XKR9: variants seen among roughly 807,000 people sequenced by gnomAD.
XKR9 encodes XK related 9.
XKR9 carries 32 observed loss-of-function variants against 32.0 expected under a neutral mutation model. The ratio of observed to expected loss-of-function variants is 1.00; its 90% CI spans 0.76 to 1.34. The LOEUF is 1.34. Among genes scored for constraint, XKR9 ranks in the 40% most tolerant of loss-of-function variants. XKR9 has a pLI of 0.00. For missense variants in XKR9, 546 were observed against 429.7 expected (o/e 1.27, Z -2.39); for synonymous variants, 168 against 143.4 (o/e 1.17, Z -1.22).
the XKR9 span, among the ~76,000 whole-genome samples, chr8:70,945,068 T>A: frequency 6.6e-6 from 1 of 152,214 alleles, no homozygotes; most frequent in East Asian, 1.9e-4. Context: ...ATTTTCTTAA[T>A]AAACACTTAA....
chr8:70,669,692 A>C (rs1476622170), intron 1 of XKR9, among the ~76,000 whole-genome samples, 154 bp downstream of exon 1: 1 of 121,590 alleles, frequency 8.2e-6, no homozygotes, highest in African/African-American at 3.1e-5. Context: ...TTTGAGACGA[A>C]GTCTCGGTCT....
the XKR9 span, among the ~76,000 whole-genome samples, chr8:70,918,584 G>A: frequency 1.6e-4 from 24 of 151,920 alleles, no homozygotes; most frequent in East Asian, 2.1e-3. Flanking sequence ...TCTCAGATGT[G>A]GTCATTTGGC....
the XKR9 span, among the ~76,000 whole-genome samples, chr8:71,002,869 C>G: frequency 6.6e-6 from 1 of 152,244 alleles, no homozygotes; most frequent in Non-Finnish European, 1.5e-5. Context: ...CCTCCCTGGA[C>G]AGCAGGAGAT....
chr8:70,874,216 T>C, the XKR9 span, among the ~76,000 whole-genome samples: 15 of 152,312 alleles, frequency 9.8e-5, no homozygotes, highest in Middle Eastern at 3.4e-3. Context: ...ATCGTGGTGG[T>C]CTGGCATTGA....
chr8:70,849,296 T>C, the XKR9 span, among the ~76,000 whole-genome samples: 13 of 152,144 alleles, frequency 8.5e-5, no homozygotes, highest in Non-Finnish European at 1.5e-4. Context: ...AAATTAGAAC[T>C]CAGGATTAAG....
the XKR9 span, among the ~76,000 whole-genome samples, chr8:70,880,529 C>G: frequency 2.6e-5 from 4 of 151,984 alleles, no homozygotes; most frequent in Non-Finnish European, 5.9e-5. Flanking sequence ...AGAATTGCTA[C>G]AAAGAGAATA....
At chr8:70,707,647 G>A (rs935706055) in intron 4 of XKR9, among the ~76,000 whole-genome samples, 5 of 151,868 alleles carry the variant, frequency 3.3e-5, no homozygotes, top group Non-Finnish European at 5.9e-5. Flanking sequence ...ATGCTGCAAC[G>A]AGTAATCTTA....
rs1805761443 is a variant in XKR9 at position 70,707,461 on chromosome 8, G to GT, written c.493+314dup. On this transcript the variant is annotated intron_variant, in intron 4 of 4. Coordinates refer to ENST00000408926, the MANE Select transcript of XKR9 (RefSeq NM_001011720.2). ...GTAACATAAAATAAAAACTGTCTTT[G>GT]TTTTTTGTGCCTCATAGTATATCTT... Among the ~76,000 whole-genome samples, 4 of 151,646 alleles carry GT rather than the reference G, an allele frequency of 2.6e-5. No homozygotes were observed. The South Asian group carries it at 8.3e-4, about 32-fold the overall frequency.
At chr8:70,948,479 T>A in the XKR9 span, among the ~76,000 whole-genome samples, 1 of 151,968 alleles carries the variant, frequency 6.6e-6, no homozygotes, top group Admixed American at 6.6e-5. Context: ...CACTGTTGGT[T>A]CTCTCCAAAG....
chr8:70,879,738 G>A, the XKR9 span, among the ~76,000 whole-genome samples: 2 of 150,012 alleles, frequency 1.3e-5, no homozygotes, highest in Non-Finnish European at 3.0e-5. Flanking sequence ...GGTGCAAAGA[G>A]GATCTGGAAA....
At chr8:70,884,028 C>T in the XKR9 span, among the ~76,000 whole-genome samples, 1 of 152,086 alleles carries the variant, frequency 6.6e-6, no homozygotes, top group Non-Finnish European at 1.5e-5. Flanking sequence ...TCCTGTTGCT[C>T]CACATTCTTG....
At chr8:70,968,841 C>T in the XKR9 span, among the ~76,000 whole-genome samples, 2 of 152,170 alleles carry the variant, frequency 1.3e-5, no homozygotes, top group Non-Finnish European at 2.9e-5. Context: ...CCCAGTGGGG[C>T]ACAGACCTGA....
chr8:70,907,008 G>C, the XKR9 span, among the ~76,000 whole-genome samples: 1 of 152,162 alleles, frequency 6.6e-6, no homozygotes, highest in East Asian at 1.9e-4. Context: ...TTTCACTTGT[G>C]CTGCCCCTTT....
chr8:71,042,497 G>A, the XKR9 span, among the ~76,000 whole-genome samples: 2 of 152,114 alleles, frequency 1.3e-5, no homozygotes, highest in Non-Finnish European at 2.9e-5. Flanking sequence ...GATAGTAACA[G>A]TCCCTACTGC....
intron 1 of XKR9, among the ~76,000 whole-genome samples, chr8:70,671,780 G>C: frequency 8.9e-6 from 1 of 112,404 alleles, no homozygotes; most frequent in African/African-American, 2.9e-5. Flanking sequence ...TGTGAATAGT[G>C]CCGCAATAAA....
intron 2 of XKR9, among the ~76,000 whole-genome samples, chr8:70,773,988 C>T (rs1199561525): frequency 7.5e-6 from 1 of 132,916 alleles, no homozygotes; most frequent in African/African-American, 2.5e-5. Context: ...TTTTTTAATA[C>T]TTTTCAATTT....
chr8:70,692,931 G>GT (rs1415795070), intron 3 of XKR9, among the ~76,000 whole-genome samples: 1 of 152,140 alleles, frequency 6.6e-6, no homozygotes, highest in African/African-American at 2.4e-5. Context: ...GTTATTGAGA[G>GT]TTTTTAACAT....
the XKR9 span, among the ~76,000 whole-genome samples, chr8:70,940,613 C>T: frequency 6.6e-6 from 1 of 151,948 alleles, no homozygotes; most frequent in South Asian, 2.1e-4. Flanking sequence ...AACACTGTGC[C>T]TCTTTTGCCT....
At chr8:70,870,198 C>A in the XKR9 span, among the ~76,000 whole-genome samples, 110 of 152,250 alleles carry the variant, frequency 7.2e-4, no homozygotes, top group Middle Eastern at 6.8e-3. Flanking sequence ...CAAAAGATAA[C>A]AACACCATGT....
Sources: allele counts gnomAD v4.1 joint callset (sites outside exome capture counted in the v4.1 genomes callset), GRCh38; gene constraint gnomAD v4.1.1; transcripts MANE v1.5; gene names NCBI Gene and HGNC (gene_info 2026-07-23, HGNC 2026-07-21).